STX8: variants seen among roughly 807,000 people sequenced by gnomAD.
STX8 encodes syntaxin 8, also known as syntaxin-8.
STX8 carries 23 observed loss-of-function variants against 37.5 expected under a neutral mutation model. That is an observed-to-expected ratio of 0.61 (90% CI 0.44 to 0.87). The LOEUF (loss-of-function observed/expected upper bound fraction) is 0.87, where lower values mean the gene tolerates loss of function less well. Among genes scored for constraint, STX8 ranks in the 40% least tolerant of loss-of-function variants. The pLI is 0.00. For synonymous variants in STX8, 115 were observed against 99.1 expected, an observed-to-expected ratio of 1.16 and a Z score of -0.95; for missense variants, 313 against 284.7, an observed-to-expected ratio of 1.10 and a Z score of -0.71.
Position 9,288,183 on chromosome 17 carries a change from GA to G in STX8, c.644-37539del, listed in dbSNP as rs549489976. On this transcript the variant is annotated intron_variant, in intron 7 of 7. Coordinates refer to ENST00000306357, the MANE Select transcript of STX8 (RefSeq NM_004853.3). The stretch of plus-strand genomic sequence containing the variant: ...AAAACAAAAAACCAACCTTCCCCCT[GA>G]AAAAAAAAAAAACAGAAAAAGGAAT... Among the ~76,000 whole-genome samples, 299 of 84,886 alleles carry G rather than the reference GA, an allele frequency of 3.5e-3. 1 individual carries two copies. The highest frequency in any genetic ancestry group is 9.5e-3 in the South Asian group (23 of 2,430). 55.7% of individuals were successfully genotyped at this position (84,886 alleles called of 152,430 possible).
intron 7 of STX8, among the ~76,000 whole-genome samples, chr17:9,330,642 C>T (rs1168658496): frequency 5.3e-5 from 8 of 152,208 alleles, no homozygotes; most frequent in African/African-American, 1.7e-4. Flanking sequence ...CTGTTTGGGA[C>T]GTGGGTTCAC....
intron 7 of STX8, among the ~76,000 whole-genome samples, chr17:9,279,366 C>T (rs1010638569): frequency 3.9e-5 from 6 of 152,178 alleles, no homozygotes; most frequent in Admixed American, 2.6e-4. Context: ...GGATTATAGG[C>T]GTGAGCCACT....
intron 6 of STX8, among the ~76,000 whole-genome samples, chr17:9,386,483 A>T (rs1337199050): frequency 6.6e-6 from 1 of 152,142 alleles, no homozygotes; most frequent in Non-Finnish European, 1.5e-5. Context: ...AAGGTCATAC[A>T]AATTCACGCA....
intron 6 of STX8, among the ~76,000 whole-genome samples, chr17:9,464,147 T>C (rs1314440565): frequency 6.6e-6 from 1 of 152,214 alleles, no homozygotes; most frequent in Admixed American, 6.5e-5. Context: ...AATTACCATA[T>C]ATGCTCCACA....
chr17:9,323,740 G>C (rs1909653094), intron 7 of STX8, among the ~76,000 whole-genome samples: 1 of 152,216 alleles, frequency 6.6e-6, no homozygotes, highest in African/African-American at 2.4e-5. Context: ...ACTGTGAAGA[G>C]AGGAGGCCTG....
chr17:9,269,119 A>G (rs1019739327), intron 7 of STX8, among the ~76,000 whole-genome samples: 19 of 151,708 alleles, frequency 1.3e-4, no homozygotes, highest in Non-Finnish European at 2.2e-4. Flanking sequence ...CCCGGGAGGC[A>G]GAGCTTGCAG....
chr17:9,489,571 A>G (rs1906759089), intron 6 of STX8, among the ~76,000 whole-genome samples: 1 of 152,048 alleles, frequency 6.6e-6, no homozygotes, highest in African/African-American at 2.4e-5. Flanking sequence ...ATCACAACAC[A>G]TGATCATCAG....
chr17:9,361,735 T>A (rs1014358891), intron 7 of STX8, among the ~76,000 whole-genome samples: 18 of 152,200 alleles, frequency 1.2e-4, no homozygotes, highest in African/African-American at 4.3e-4. Flanking sequence ...CAAAACTGTG[T>A]CTCATTCTCT....
intron 4 of STX8, among the ~76,000 whole-genome samples, chr17:9,518,868 C>CA (rs58589067): frequency 0.28 from 27,554 of 99,622 alleles, 3,289 homozygotes; most frequent in African/African-American, 0.37. Context: ...GACTCCGTCT[C>CA]AAAAAAAAAA....
chr17:9,540,192 G>A (rs1906222165), intron 4 of STX8, among the ~76,000 whole-genome samples: 1 of 152,180 alleles, frequency 6.6e-6, no homozygotes, highest in Non-Finnish European at 1.5e-5. Context: ...GTCCACTTCA[G>A]CTTTAGCATT....
intron 7 of STX8, among the ~76,000 whole-genome samples, chr17:9,300,617 T>C (rs1908737066): frequency 6.6e-6 from 1 of 152,066 alleles, no homozygotes; most frequent in Non-Finnish European, 1.5e-5. Context: ...GAGAATACAA[T>C]TTTTGTATAT....
Position 9,406,921 on chromosome 17 carries a change from G to C in STX8, c.542-28268C>G, listed in dbSNP as rs185449498. On this transcript the variant is annotated intron_variant, in intron 6 of 7. Coordinates refer to ENST00000306357, the MANE Select transcript of STX8 (RefSeq NM_004853.3). ...TAAAAGAATCATAAGCACTGGTTCT[G>C]AGGGGTAAGACTTGGAGGCAAGGAG... Among the ~76,000 whole-genome samples the C allele has an allele frequency of 5.1e-3, 781 of 152,264 alleles. 12 individuals are homozygous for C. Among genetic ancestry groups the C allele is most frequent in the Non-Finnish European group, 5.0e-3 (339 of 68,020 alleles).
chr17:9,349,952 G>T (rs868534202), intron 7 of STX8, among the ~76,000 whole-genome samples: 1 of 152,108 alleles, frequency 6.6e-6, no homozygotes, highest in Non-Finnish European at 1.5e-5. Context: ...GACCAGACTG[G>T]CCCTCAAACT....
chr17:9,277,844 C>T (rs1193809627), intron 7 of STX8, among the ~76,000 whole-genome samples: 1 of 151,968 alleles, frequency 6.6e-6, no homozygotes, highest in East Asian at 1.9e-4. Context: ...TAGAACTGGC[C>T]AGTGAGGAGA....
At chr17:9,262,728 C>T (rs575634076) in intron 7 of STX8, among the ~76,000 whole-genome samples, 9 of 152,116 alleles carry the variant, frequency 5.9e-5, no homozygotes, top group South Asian at 2.1e-4. Context: ...ACTACAGGTG[C>T]GTGCCAACAT....
At chr17:9,406,279 G>A (rs1912800076) in intron 6 of STX8, among the ~76,000 whole-genome samples, 1 of 152,136 alleles carries the variant, frequency 6.6e-6, no homozygotes, top group African/African-American at 2.4e-5. Context: ...CCATGGTGTT[G>A]TTCAGTGTTT....
At chr17:9,492,055 T>C in intron 5 of STX8, 134 bp from the exon 6 acceptor site, 1 of 562,956 alleles carries the variant, frequency 1.8e-6, no homozygotes, top group Non-Finnish European at 2.9e-6. Flanking sequence ...GTTAACATTA[T>C]TGGAACAAAA....
chr17:9,430,026 TAATATATTCTATAGAA>T (rs1913877643), intron 6 of STX8, among the ~76,000 whole-genome samples: 1 of 30,352 alleles, frequency 3.3e-5, no homozygotes, highest in Admixed American at 6.0e-4. Context: ...ATATTATATA[TAATATATTCTATAGAA>T]TATATATATT....
chr17:9,358,007 G>T (rs972189140), intron 7 of STX8, among the ~76,000 whole-genome samples: 5 of 152,138 alleles, frequency 3.3e-5, no homozygotes, highest in Admixed American at 6.6e-5. Context: ...TAAGATGACC[G>T]AACACAAAAA....
Sources: gnomAD v4.1 joint callset for allele counts (sites outside exome capture counted in the v4.1 genomes callset) on GRCh38, gnomAD v4.1.1 for gene constraint, MANE v1.5 for transcripts, NCBI Gene and HGNC (gene_info 2026-07-23, HGNC 2026-07-21) for gene names.